The following PTPRO variants were observed in gnomAD, a reference collection of about 807,000 sequenced individuals.
PTPRO encodes protein tyrosine phosphatase receptor type O, also known as receptor-type tyrosine-protein phosphatase O.
PTPRO carries 62 observed loss-of-function variants against 145.2 expected under a neutral mutation model. That is an observed-to-expected ratio of 0.43 (90% CI 0.35 to 0.53). PTPRO has a LOEUF of 0.53. Ranked by LOEUF, PTPRO falls within the 20% of genes least tolerant of loss-of-function variation. The pLI is 0.01. For synonymous variants in PTPRO, 565 were observed against 514.7 expected (o/e 1.10, Z -1.32); for missense variants, 1,345 against 1,482.7 (o/e 0.91, Z 1.53).
intron 12 of PTPRO, among the ~76,000 whole-genome samples, chr12:15,530,217 TAAGTA>T (rs759509029): frequency 6.2e-4 from 94 of 152,120 alleles, no homozygotes; most frequent in Admixed American, 1.2e-3. Context: ...CTGGAGCTCC[TAAGTA>T]AATAAAGTAA....
intron 8 of PTPRO, among the ~76,000 whole-genome samples, chr12:15,515,976 G>T (rs1252901700): frequency 1.5e-3 from 189 of 126,220 alleles, no homozygotes; most frequent in South Asian, 7.6e-3. Flanking sequence ...TGTTTGTCTG[G>T]TTTTTTTTTT....
At chr12:15,416,721 C>CT (rs35515527) in intron 1 of PTPRO, among the ~76,000 whole-genome samples, 6,365 of 141,912 alleles carry the variant, frequency 0.045, 551 homozygotes, top group East Asian at 0.25. Context: ...CCACTTCCTT[C>CT]TTTTTTTTTT....
chr12:15,541,841 G>GT (rs1389120152), intron 12 of PTPRO, among the ~76,000 whole-genome samples: 3 of 151,952 alleles, frequency 2.0e-5, no homozygotes, highest in African/African-American at 7.3e-5. Flanking sequence ...GTGAAACCCC[G>GT]TCTCTACTAA....
chr12:15,581,593 C>G (rs768607203), intron 22 of PTPRO, 86 bp from the exon 23 acceptor site: 4 of 1,483,032 alleles, frequency 2.7e-6, no homozygotes, highest in East Asian at 2.3e-5. Flanking sequence ...TCTTTAGAGG[C>G]GAATACCTTT....
chr12:15,515,442 T>G (rs1942556752), intron 7 of PTPRO, 56 bp from the exon 8 acceptor site: 7 of 1,601,538 alleles, frequency 4.4e-6, no homozygotes, highest in Non-Finnish European at 6.0e-6. Context: ...CCAGCCTCTG[T>G]GTAACATTCT....
intron 4 of PTPRO, 80 bp downstream of exon 4, chr12:15,499,674 A>G (rs1942177928): frequency 1.2e-5 from 18 of 1,460,494 alleles, no homozygotes; most frequent in Non-Finnish European, 1.7e-5. Context: ...TATCCTAAGA[A>G]ATATTCTGAT....
In PTPRO at chr12:15,502,095, A is replaced by G. The variant is rs373369897; in HGVS notation, c.1105+32A>G. 1.5e-5 allele frequency: 24 copies of G among 1,557,500 alleles called. 1 individual carries two copies. The highest frequency in any genetic ancestry group is 2.0e-5 in the Non-Finnish European group (23 of 1,128,892). Reference sequence around the variant, plus strand: ...CAGTAGGAAATCAGAGGAAATAAGAACTGATACAAAGGAAGGGGAATTGAA... The same window carrying G: ...CAGTAGGAAATCAGAGGAAATAAGAGCTGATACAAAGGAAGGGGAATTGAA... On this transcript the variant is annotated intron_variant, in intron 5 of 26. Transcript: ENST00000281171.
At chr12:15,417,213 G>A (rs59912437) in intron 1 of PTPRO, among the ~76,000 whole-genome samples, 1 of 151,438 alleles carries the variant, frequency 6.6e-6, no homozygotes, top group East Asian at 1.9e-4. Context: ...TGGACATACA[G>A]CCTGATAAAC....
intron 23 of PTPRO, among the ~76,000 whole-genome samples, chr12:15,582,476 T>C (rs1944342004): frequency 6.6e-6 from 1 of 152,204 alleles, no homozygotes; most frequent in Non-Finnish European, 1.5e-5. Context: ...ATGGTGTGGA[T>C]GATATGGTTG....
At chr12:15,553,101 C>A (rs570480590) in intron 15 of PTPRO, among the ~76,000 whole-genome samples, 42 of 152,046 alleles carry the variant, frequency 2.8e-4, no homozygotes, top group African/African-American at 1.0e-3. Flanking sequence ...TGCTCGGCCT[C>A]CTTGAGATCG....
At chr12:15,471,249 G>A (rs192642147) in intron 1 of PTPRO, among the ~76,000 whole-genome samples, 8 of 152,156 alleles carry the variant, frequency 5.3e-5, no homozygotes, top group Admixed American at 3.3e-4. Context: ...ATTTGGTGTC[G>A]CATGCCTGTG....
Position 15,596,465 on chromosome 12 carries a change from A to T in PTPRO, c.*392A>T, listed in dbSNP as rs1025880520. ...GTGTGTGATTCTTATCAGAAAGTTG[A>T]ATTGTTTTCTGCCTACACCGTTCAT... On this transcript the variant is annotated 3_prime_UTR_variant, in exon 27 of 27. Coordinates refer to ENST00000281171, the MANE Select transcript of PTPRO (RefSeq NM_030667.3). 6.6e-6 allele frequency: 1 copy of T among 152,578 alleles called. No individual in the cohort carries two copies. Among genetic ancestry groups the T allele is most frequent in the Non-Finnish European group, 1.5e-5 (1 of 68,046 alleles). 9.5% of individuals were successfully genotyped at this position (152,578 alleles called of 1,614,324 possible). A position where few individuals can be genotyped will look rare whatever the true frequency, so the allele number is the denominator to read the frequency against.
In PTPRO at chr12:15,549,268, A is replaced by AATAT. The variant is rs10541885; in HGVS notation, c.2437+55_2437+58dup. On this transcript the variant is annotated intron_variant, in intron 14 of 26. Transcript: ENST00000281171. ...GTGTATAATTTTCTCACTTTTTTTG[A>AATAT]ATATATATATATATATGTATTTGTA... 1,159 of 1,372,330 alleles carry AATAT rather than the reference A, an allele frequency of 8.4e-4. 6 individuals carry two copies. The African/African-American group carries it at 0.015, about 18-fold the overall frequency. The allele number at this position is 1,372,330 out of a possible 1,614,324, so 85.0% of individuals were successfully genotyped here.
In PTPRO at chr12:15,510,843, C is replaced by T. The variant is rs114190477; in HGVS notation, c.1464+2076C>T. 8.7e-3 allele frequency among the ~76,000 whole-genome samples: 1,328 copies of T among 152,140 alleles called. 22 individuals are homozygous for T. The highest frequency in any genetic ancestry group is 0.031 in the African/African-American group (1,268 of 41,504). On this transcript the variant is annotated intron_variant, in intron 7 of 26. Transcript: ENST00000281171. ...ACCATCTCAGGCTCAAAGGAACCTA[C>T]ACTATCATCTAGTTCAACCCTATTA...
chr12:15,488,011 C>T (rs982649014), intron 2 of PTPRO, among the ~76,000 whole-genome samples: 3 of 152,056 alleles, frequency 2.0e-5, no homozygotes, highest in African/African-American at 7.2e-5. Flanking sequence ...AATAGTGTGT[C>T]GCCTCTCTCC....
At chr12:15,516,364 GAAGA>G (rs1202709156) in intron 8 of PTPRO, among the ~76,000 whole-genome samples, 8 of 133,582 alleles carry the variant, frequency 6.0e-5, no homozygotes, top group Non-Finnish European at 1.1e-4. Context: ...AGAAAGAAAA[GAAGA>G]AAGAAAGAAC....
Position 15,507,465 on chromosome 12 carries a change from G to A in PTPRO, c.1268-1106G>A, listed in dbSNP as rs547300253. Among the ~76,000 whole-genome samples, 16 of 150,370 alleles carry A rather than the reference G, an allele frequency of 1.1e-4. No homozygotes were observed. The East Asian group carries it at 2.1e-3, about 20-fold the overall frequency. Reference sequence around the variant, plus strand: ...AATAAATAAATAAGGAATGAAATACGTAACACATAAAAACTTAAAGAAGGT... The same window carrying A: ...AATAAATAAATAAGGAATGAAATACATAACACATAAAAACTTAAAGAAGGT... On this transcript the variant is annotated intron_variant, in intron 6 of 26. Coordinates refer to ENST00000281171, the MANE Select transcript of PTPRO (RefSeq NM_030667.3).
At chr12:15,575,440 T>G (rs1488982475) in intron 19 of PTPRO, among the ~76,000 whole-genome samples, 1 of 152,214 alleles carries the variant, frequency 6.6e-6, no homozygotes, top group Non-Finnish European at 1.5e-5. Context: ...TGCCTAAGAA[T>G]GAAATCTACC....
chr12:15,450,790 A>T (rs574858307), intron 1 of PTPRO, among the ~76,000 whole-genome samples: 13 of 152,200 alleles, frequency 8.5e-5, no homozygotes, highest in South Asian at 2.1e-4. Flanking sequence ...ATTTTTTTTT[A>T]AATAAAAAAA....
Sources: gnomAD v4.1 joint callset for allele counts (sites outside exome capture counted in the v4.1 genomes callset) on GRCh38, gnomAD v4.1.1 for gene constraint, MANE v1.5 for transcripts, NCBI Gene and HGNC (gene_info 2026-07-23, HGNC 2026-07-21) for gene names.